GALNT13: variants seen among roughly 807,000 people sequenced by gnomAD.
The protein encoded by GALNT13 is polypeptide N-acetylgalactosaminyltransferase 13.
In GALNT13, 28 loss-of-function variants were observed where a neutral mutation model predicts 64.2. That is an observed-to-expected ratio of 0.44 (90% confidence interval 0.32 to 0.60). GALNT13 has a LOEUF of 0.60. GALNT13 is among the 20% of genes least tolerant of loss of function. GALNT13 has a pLI of 0.05. For missense variants in GALNT13, 577 were observed against 669.8 expected (o/e 0.86, Z 1.53); for synonymous variants, 214 against 224.6 (o/e 0.95, Z 0.42).
chr2:154,203,076 A>C (rs1354585508), intron 4 of GALNT13, among the ~76,000 whole-genome samples: 1 of 152,110 alleles, frequency 6.6e-6, no homozygotes, highest in East Asian at 1.9e-4. Flanking sequence ...TTCGGGGGCT[A>C]TAACTGGCCC....
At chr2:153,994,287 G>A (rs1027119700) in intron 3 of GALNT13, among the ~76,000 whole-genome samples, 6 of 152,148 alleles carry the variant, frequency 3.9e-5, no homozygotes, top group Non-Finnish European at 7.4e-5. Context: ...TGGCATATAT[G>A]TGCCACATTT....
intron 7 of GALNT13, among the ~76,000 whole-genome samples, chr2:154,250,240 A>G (rs956802839): frequency 1.3e-5 from 2 of 152,130 alleles, no homozygotes; most frequent in African/African-American, 4.8e-5. Flanking sequence ...TGTGACAAGT[A>G]CCCAAAAGGA....
chr2:153,145,975 T>A, the GALNT13 span, among the ~76,000 whole-genome samples: 1 of 151,602 alleles, frequency 6.6e-6, no homozygotes, highest in Admixed American at 6.6e-5. Context: ...GAATGTGAGG[T>A]GTATTTAGCT....
chr2:154,353,611 T>C (rs942820545), intron 9 of GALNT13, among the ~76,000 whole-genome samples: 3 of 152,196 alleles, frequency 2.0e-5, no homozygotes, highest in Admixed American at 6.5e-5. Context: ...CTAGATTTTT[T>C]CTGCAAGTTT....
chr2:153,273,917 A>G, the GALNT13 span, among the ~76,000 whole-genome samples: 3 of 152,242 alleles, frequency 2.0e-5, no homozygotes, highest in African/African-American at 4.8e-5. Context: ...AATGTCAGAA[A>G]TATTTTCCTT....
chr2:154,435,379 A>G (rs1209800055), intron 11 of GALNT13, among the ~76,000 whole-genome samples: 1 of 152,196 alleles, frequency 6.6e-6, no homozygotes, highest in Non-Finnish European at 1.5e-5. Context: ...AAAGGTTTCA[A>G]CCACAGCAAG....
chr2:153,512,056 A>G, the GALNT13 span, among the ~76,000 whole-genome samples: 16 of 152,160 alleles, frequency 1.1e-4, no homozygotes, highest in Admixed American at 3.9e-4. Flanking sequence ...CTGAGATATG[A>G]TAGGGTCAGG....
chr2:154,014,952 A>G (rs1041569422), intron 3 of GALNT13, among the ~76,000 whole-genome samples: 1 of 152,000 alleles, frequency 6.6e-6, no homozygotes, highest in African/African-American at 2.4e-5. Context: ...CTCTTTATCT[A>G]CCTCACCCAA....
At chr2:153,411,161 G>GTATA in the GALNT13 span, among the ~76,000 whole-genome samples, 28 of 139,676 alleles carry the variant, frequency 2.0e-4, no homozygotes, top group African/African-American at 6.9e-4. Context: ...TGGCATATAT[G>GTATA]TATATATATA....
chr2:153,249,826 G>A, the GALNT13 span, among the ~76,000 whole-genome samples: 9 of 152,060 alleles, frequency 5.9e-5, 1 homozygote, highest in Middle Eastern at 6.3e-3. Context: ...CTAGCCATAC[G>A]CAGAAAACAG....
chr2:153,118,774 T>A, the GALNT13 span, among the ~76,000 whole-genome samples: 1 of 152,230 alleles, frequency 6.6e-6, no homozygotes, highest in Non-Finnish European at 1.5e-5. Context: ...TTTACCATAG[T>A]GCTATCAAAT....
chr2:153,758,295 A>G, the GALNT13 span, among the ~76,000 whole-genome samples: 5 of 136,270 alleles, frequency 3.7e-5, no homozygotes, highest in African/African-American at 1.4e-4. Flanking sequence ...GACAGTGAAT[A>G]AATGGGGTTT....
the GALNT13 span, among the ~76,000 whole-genome samples, chr2:153,331,331 T>G: frequency 1.3e-3 from 193 of 152,166 alleles, 1 homozygote; most frequent in African/African-American, 4.5e-3. Flanking sequence ...AGCTCCTCCT[T>G]GTACACCTAG....
chr2:153,074,686 CATT>C, the GALNT13 span, among the ~76,000 whole-genome samples: 1 of 152,108 alleles, frequency 6.6e-6, no homozygotes, highest in Non-Finnish European at 1.5e-5. Flanking sequence ...ACGTAAATGT[CATT>C]ATGTCACACA....
At chr2:153,772,232 C>T in the GALNT13 span, among the ~76,000 whole-genome samples, 6 of 152,334 alleles carry the variant, frequency 3.9e-5, no homozygotes, top group Admixed American at 2.0e-4. Flanking sequence ...CACCAAACAA[C>T]GACTGATGTT....
intron 3 of GALNT13, among the ~76,000 whole-genome samples, chr2:154,091,893 T>A (rs1327821314): frequency 6.6e-6 from 1 of 151,746 alleles, no homozygotes; most frequent in African/African-American, 2.4e-5. Flanking sequence ...GACTCTATAG[T>A]CAAAAACTAA....
At chr2:153,769,385 C>A in the GALNT13 span, among the ~76,000 whole-genome samples, 2 of 152,070 alleles carry the variant, frequency 1.3e-5, no homozygotes, top group Non-Finnish European at 2.9e-5. Flanking sequence ...TTCCCCCTCC[C>A]CCACCCCAAT....
chr2:153,127,365 T>C, the GALNT13 span, among the ~76,000 whole-genome samples: 1 of 152,140 alleles, frequency 6.6e-6, no homozygotes, highest in African/African-American at 2.4e-5. Flanking sequence ...GCCTCTCATA[T>C]CCATGTACCT....
chr2:153,449,420 C>T, the GALNT13 span, among the ~76,000 whole-genome samples: 1 of 152,084 alleles, frequency 6.6e-6, no homozygotes, highest in Admixed American at 6.6e-5. Context: ...ACCCTGAGAT[C>T]CCACTTCTGA....
Sources: allele counts gnomAD v4.1 joint callset (sites outside exome capture counted in the v4.1 genomes callset), GRCh38; gene constraint gnomAD v4.1.1; transcripts MANE v1.5; gene names NCBI Gene and HGNC (gene_info 2026-07-23, HGNC 2026-07-21).